Variants in UBTD1 observed in about 807,000 individuals in gnomAD.
The protein encoded by UBTD1 is ubiquitin domain containing 1.
Under a neutral mutation model 21.7 loss-of-function variants are expected in UBTD1, and 19 were observed. That is an observed-to-expected ratio of 0.87 (90% CI 0.61 to 1.28). The LOEUF (loss-of-function observed/expected upper bound fraction) is 1.28. Ranked by LOEUF, UBTD1 falls within the 50% of genes most tolerant of loss-of-function variation. UBTD1 has a pLI of 0.00. For missense variants in UBTD1, 282 were observed against 315.1 expected (o/e 0.89, Z 0.80); for synonymous variants, 116 against 135.1 (o/e 0.86, Z 0.98).
chr10:97,532,798 A>AAAAAG (rs1554865649), intron 1 of UBTD1, among the ~76,000 whole-genome samples: 324 of 149,030 alleles, frequency 2.2e-3, no homozygotes, highest in Admixed American at 6.0e-3. Flanking sequence ...CTCAAAAAAA[A>AAAAAG]AAAGAAAGAA....
intron 1 of UBTD1, among the ~76,000 whole-genome samples, chr10:97,521,435 G>T (rs1371437228): frequency 6.6e-6 from 1 of 152,222 alleles, no homozygotes; most frequent in Admixed American, 6.5e-5. Flanking sequence ...GGAACGGGCT[G>T]CCTCTGAGAG....
intron 1 of UBTD1, among the ~76,000 whole-genome samples, chr10:97,501,754 G>T (rs997090514): frequency 2.0e-5 from 3 of 152,128 alleles, no homozygotes; most frequent in Admixed American, 6.5e-5. Flanking sequence ...ACCAGTGTTT[G>T]CTCGTGCCAT....
intron 1 of UBTD1, among the ~76,000 whole-genome samples, chr10:97,549,728 C>G (rs1040317381): frequency 7.2e-5 from 11 of 152,126 alleles, no homozygotes; most frequent in Non-Finnish European, 1.0e-4. Flanking sequence ...AGCTGGGGCC[C>G]GAGAGGAGGA....
At chr10:97,536,970 C>T (rs2040565669) in intron 1 of UBTD1, among the ~76,000 whole-genome samples, 1 of 151,976 alleles carries the variant, frequency 6.6e-6, no homozygotes, top group African/African-American at 2.4e-5. Flanking sequence ...CGGAGAGGTA[C>T]AGAGAAGTGA....
Position 97,571,185 on chromosome 10 carries a change from A to T in UBTD1, c.*662A>T, listed in dbSNP as rs894252401. On this transcript the variant is annotated 3_prime_UTR_variant, in exon 3 of 3. Transcript: ENST00000370664. ...GACAGACATATCTGCATATTTATCA[A>T]TAAAGCCTTTTGCTCCTTCTCGCTT... 6.6e-6 allele frequency: 1 copy of T among 152,586 alleles called. No individual in the cohort carries two copies. The highest frequency in any genetic ancestry group is 2.4e-5 in the African/African-American group (1 of 41,414). The allele number at this position is 152,586 out of a possible 1,614,324, so 9.5% of individuals were successfully genotyped here. A position where few individuals can be genotyped will look rare whatever the true frequency, so the allele number is the denominator to read the frequency against.
chr10:97,504,138 C>T (rs2040389031), intron 1 of UBTD1, among the ~76,000 whole-genome samples: 1 of 152,088 alleles, frequency 6.6e-6, no homozygotes, highest in Admixed American at 6.5e-5. Context: ...GTTGGTTTTG[C>T]CTTAAATATG....
At chr10:97,533,181 CTTTTCCACCAG>C (rs56227762) in intron 1 of UBTD1, among the ~76,000 whole-genome samples, 94,110 of 151,838 alleles carry the variant, frequency 0.62, 31,115 homozygotes, top group Non-Finnish European at 0.75. Flanking sequence ...GAGAGGATGC[CTTTTCCACCAG>C]CTGGGAGCTG....
intron 1 of UBTD1, among the ~76,000 whole-genome samples, chr10:97,561,391 A>G (rs2040692068): frequency 6.6e-6 from 1 of 152,014 alleles, no homozygotes; most frequent in Non-Finnish European, 1.5e-5. Flanking sequence ...GGCTTTATTC[A>G]GCTGGGAGCA....
Position 97,568,027 on chromosome 10 carries a change from G to C in UBTD1, c.184G>C (p.Glu62Gln). 1 of 1,614,042 alleles carries C rather than the reference G, an allele frequency of 6.2e-7. No homozygotes were observed. Among genetic ancestry groups the C allele is most frequent in the Non-Finnish European group, 8.5e-7 (1 of 1,180,042 alleles). Reference protein sequence around the residue: ...DEFWDTAPAFEGRKEIWDALK... With the variant: ...DEFWDTAPAFQGRKEIWDALK... ...GTTCTGGGACACAGCGCCTGCCTTCGAGGGCCGCAAGGAGATCTGGGATGC... is the reference window on the plus strand; with the variant it reads ...GTTCTGGGACACAGCGCCTGCCTTCCAGGGCCGCAAGGAGATCTGGGATGC... The change falls in exon 2 of 3, where the codon GAG (glutamate) becomes CAG (glutamine). Residue 62 changes from glutamate (E) to glutamine (Q), a missense_variant. Physicochemically the swap from Glu to Gln is conservative, Grantham distance 29. Transcript: ENST00000370664.
At chr10:97,506,542 T>G (rs1320736705) in intron 1 of UBTD1, among the ~76,000 whole-genome samples, 2 of 152,172 alleles carry the variant, frequency 1.3e-5, no homozygotes, top group Non-Finnish European at 2.9e-5. Context: ...AATTTTTCAG[T>G]CTATAGTTTT....
intron 1 of UBTD1, among the ~76,000 whole-genome samples, chr10:97,527,881 T>C (rs1367711964): frequency 6.6e-6 from 1 of 152,234 alleles, no homozygotes; most frequent in Non-Finnish European, 1.5e-5. Context: ...ACCATCCGAT[T>C]TCTCAATCTT....
chr10:97,520,329 T>A (rs2040461618), intron 1 of UBTD1, among the ~76,000 whole-genome samples: 1 of 152,112 alleles, frequency 6.6e-6, no homozygotes. Context: ...GTCCTTGAGG[T>A]CCTGGTTCAA....
chr10:97,538,885 G>A (rs1341191456), intron 1 of UBTD1, among the ~76,000 whole-genome samples: 1 of 152,188 alleles, frequency 6.6e-6, no homozygotes, highest in Admixed American at 6.5e-5. Flanking sequence ...CCTCAGGAGC[G>A]CTGCACAGGT....
intron 1 of UBTD1, among the ~76,000 whole-genome samples, chr10:97,508,270 G>A (rs1232057946): frequency 6.6e-6 from 1 of 152,236 alleles, no homozygotes; most frequent in African/African-American, 2.4e-5. Flanking sequence ...GGGCCAGTGT[G>A]TAGTTTGTCC....
At chr10:97,545,413 TGTGG>T (rs1589879000) in intron 1 of UBTD1, among the ~76,000 whole-genome samples, 3 of 58,544 alleles carry the variant, frequency 5.1e-5, no homozygotes, top group East Asian at 5.3e-4. Flanking sequence ...TGTGTGTGGG[TGTGG>T]GTGTGTGTGT....
chr10:97,558,036 G>A (rs183296696), intron 1 of UBTD1, among the ~76,000 whole-genome samples: 15 of 152,206 alleles, frequency 9.9e-5, no homozygotes, highest in Middle Eastern at 3.4e-3. Context: ...TGCTTCGGCC[G>A]TGCGTGGACC....
At position 97,570,703 on chromosome 10, in the gene UBTD1, G is replaced by A; in HGVS notation, c.*180G>A. ...GCCACCAGTTCCCGGTACCCAGGGA[G>A]CAGGCAGCCACACACGGGCCTTGCA... is the stretch of plus-strand genomic sequence containing the variant. On this transcript the variant is annotated 3_prime_UTR_variant, in exon 3 of 3. Transcript: ENST00000370664. The surrounding 1 kb of genome is among the most constrained non-coding windows in gnomAD (Gnocchi z 6.6). 2 of 730,738 alleles carry A rather than the reference G, an allele frequency of 2.7e-6. No homozygotes were observed. Among genetic ancestry groups the A allele is most frequent in the Non-Finnish European group, 2.2e-6 (1 of 456,684 alleles). The allele number at this position is 730,738 out of a possible 1,614,324, so 45.3% of individuals were successfully genotyped here.
chr10:97,514,371 C>A (rs983042770), intron 1 of UBTD1, among the ~76,000 whole-genome samples: 8 of 152,200 alleles, frequency 5.3e-5, no homozygotes, highest in Non-Finnish European at 1.2e-4. Context: ...CATCCCTCCC[C>A]ATCCCCCAAA....
chr10:97,516,889 G>A (rs2040447009), intron 1 of UBTD1, among the ~76,000 whole-genome samples: 1 of 152,194 alleles, frequency 6.6e-6, no homozygotes, highest in Admixed American at 6.5e-5. Context: ...CAAAGCCAGG[G>A]TGCAGGGAGG....
Sources: gnomAD v4.1 joint callset for allele counts (sites outside exome capture counted in the v4.1 genomes callset) on GRCh38, gnomAD v4.1.1 for gene constraint, Gnocchi (gnomAD v3.1) non-coding constraint, MANE v1.5 for transcripts, NCBI Gene and HGNC (gene_info 2026-07-23, HGNC 2026-07-21) for gene names.